The following ABCC1 variants were observed in gnomAD, a reference collection of about 807,000 sequenced individuals.
ABCC1 encodes the protein ATP binding cassette subfamily C member 1 (ABCC1 blood group).
Under a neutral mutation model 172.9 loss-of-function variants are expected in ABCC1, and 83 were observed. That is an observed-to-expected ratio of 0.48 (90% confidence interval 0.40 to 0.58). ABCC1 has a LOEUF of 0.58. ABCC1 is among the 20% of genes least tolerant of loss of function. The pLI is 0.00. For synonymous variants in ABCC1, 937 were observed against 825.2 expected, an observed-to-expected ratio of 1.14 and a Z score of -2.32; for missense variants, 1,817 against 2,002.7, an observed-to-expected ratio of 0.91 and a Z score of 1.77.
intron 23 of ABCC1, among the ~76,000 whole-genome samples, chr16:16,119,253 C>A (rs1405531967): frequency 6.6e-6 from 1 of 152,082 alleles, no homozygotes; most frequent in Non-Finnish European, 1.5e-5. Context: ...CCAGCCTGAG[C>A]AACATGGGAA....
intron 1 of ABCC1, among the ~76,000 whole-genome samples, chr16:15,965,801 T>TACA (rs1317941972): frequency 6.6e-6 from 1 of 151,510 alleles, no homozygotes; most frequent in African/African-American, 2.4e-5. Context: ...TTCACCATGT[T>TACA]GGCCAGGCTG....
chr16:16,113,332 C>T (rs929813491), intron 22 of ABCC1, among the ~76,000 whole-genome samples: 4 of 152,180 alleles, frequency 2.6e-5, no homozygotes, highest in Admixed American at 2.6e-4. Flanking sequence ...AGTCACAAGA[C>T]ACAGGTGGCT....
chr16:16,012,033 C>T (rs144674227), intron 3 of ABCC1, among the ~76,000 whole-genome samples: 1,616 of 152,246 alleles, frequency 0.011, 11 homozygotes, highest in Middle Eastern at 0.02. Flanking sequence ...AACTCCTTGT[C>T]TCAAGTGATC....
intron 14 of ABCC1, among the ~76,000 whole-genome samples, chr16:16,073,403 A>C (rs1190863376): frequency 6.6e-6 from 1 of 152,234 alleles, no homozygotes; most frequent in East Asian, 1.9e-4. Context: ...GCACTGCCTC[A>C]TAGACACCCC....
intron 5 of ABCC1, 71 bp downstream of exon 5, chr16:16,016,692 C>A (rs2048013553): frequency 6.3e-7 from 1 of 1,588,388 alleles, no homozygotes. Flanking sequence ...TACCAGCTAA[C>A]ATTTCTTAGA....
At chr16:15,963,115 C>T (rs1459168422) in intron 1 of ABCC1, among the ~76,000 whole-genome samples, 1 of 152,240 alleles carries the variant, frequency 6.6e-6, no homozygotes, top group East Asian at 1.9e-4. Flanking sequence ...AAAGGGGCTG[C>T]AGGCCCCATG....
At position 16,034,023 on chromosome 16, in the gene ABCC1, C is replaced by CTTTTTTTTTTTT. The variant is rs10580146; in HGVS notation, c.677+864_677+875dup. 1.3e-3 allele frequency among the ~76,000 whole-genome samples: 114 copies of CTTTTTTTTTTTT among 86,836 alleles called. 11 individuals are homozygous for CTTTTTTTTTTTT. Among genetic ancestry groups the CTTTTTTTTTTTT allele is most frequent in the South Asian group, 2.5e-3 (6 of 2,364 alleles). The allele number at this position is 86,836 out of a possible 152,430, so 57.0% of individuals were successfully genotyped here. A position where few individuals can be genotyped will look rare whatever the true frequency, so the allele number is the denominator to read the frequency against. ...TTTTTTTGCCCCTAATAAGCATCAT[C>CTTTTTTTTTTTT]TTTTTTTTTTTTTTTTTTTTTTGAG... On this transcript the variant is annotated intron_variant, in intron 6 of 30. Coordinates refer to ENST00000399410, the MANE Select transcript of ABCC1 (RefSeq NM_004996.4).
intron 18 of ABCC1, among the ~76,000 whole-genome samples, chr16:16,089,553 GAA>G (rs374814319): frequency 7.8e-6 from 1 of 128,482 alleles, no homozygotes; most frequent in Non-Finnish European, 1.7e-5. Flanking sequence ...ATCTCAAAAA[GAA>G]AAAAAAAAAA....
chr16:16,000,652 G>C (rs1376255861), intron 1 of ABCC1, among the ~76,000 whole-genome samples: 2 of 151,982 alleles, frequency 1.3e-5, no homozygotes, highest in Non-Finnish European at 2.9e-5. Flanking sequence ...AAAAAAGAGG[G>C]TATCATTATG....
intron 1 of ABCC1, among the ~76,000 whole-genome samples, chr16:15,981,914 A>G (rs1253167421): frequency 6.6e-6 from 1 of 152,116 alleles, no homozygotes; most frequent in Non-Finnish European, 1.5e-5. Flanking sequence ...CATCTAAATC[A>G]TCTCTCTCAA....
At chr16:16,012,469 TG>T (rs2047822504) in intron 3 of ABCC1, among the ~76,000 whole-genome samples, 3 of 146,650 alleles carry the variant, frequency 2.0e-5, no homozygotes, top group South Asian at 4.3e-4. Flanking sequence ...GTTCTGGCAG[TG>T]GGGTATTAGA....
intron 26 of ABCC1, among the ~76,000 whole-genome samples, chr16:16,128,510 G>T (rs1234359080): frequency 6.6e-6 from 1 of 152,174 alleles, no homozygotes; most frequent in African/African-American, 2.4e-5. Flanking sequence ...GAAGGATCGT[G>T]TTTGACAAAC....
At chr16:16,012,184 C>T (rs1047134276) in intron 3 of ABCC1, among the ~76,000 whole-genome samples, 12 of 152,174 alleles carry the variant, frequency 7.9e-5, no homozygotes, top group Non-Finnish European at 1.3e-4. Flanking sequence ...AACCCTTTTA[C>T]GTTGTAAATA....
intron 23 of ABCC1, 108 bp from the exon 24 acceptor site, chr16:16,121,867 C>A: frequency 1.7e-6 from 2 of 1,204,660 alleles, no homozygotes; most frequent in Non-Finnish European, 2.4e-6. Flanking sequence ...TAACATTTTG[C>A]CTCCTGGAGG....
intron 18 of ABCC1, 138 bp downstream of exon 18, chr16:16,087,129 G>T: frequency 9.4e-7 from 1 of 1,063,308 alleles, no homozygotes; most frequent in South Asian, 1.6e-5. Flanking sequence ...CATTTCTCAT[G>T]CTTGTCTTGG....
Position 16,095,763 on chromosome 16 carries a change from C to T in ABCC1, c.2644+5175C>T, listed in dbSNP as rs143628101. Among the ~76,000 whole-genome samples the T allele has an allele frequency of 9.2e-5, 14 of 152,064 alleles. No individual in the cohort carries two copies. The East Asian group carries it at 2.5e-3, about 28-fold the overall frequency. On this transcript the variant is annotated intron_variant, in intron 19 of 30. Coordinates refer to ENST00000399410, the MANE Select transcript of ABCC1 (RefSeq NM_004996.4). ...CTGGTCTCGAACTCCTGGGCTCAAG[C>T]GATCCTCCCACCTTGACCTCCCAAA...
chr16:16,135,172 T>C (rs906260921), intron 28 of ABCC1, among the ~76,000 whole-genome samples: 4 of 152,212 alleles, frequency 2.6e-5, no homozygotes, highest in Admixed American at 6.5e-5. Flanking sequence ...AATAAGACTT[T>C]TTAATTTTCG....
chr16:16,057,501 A>G (rs1425758508), intron 12 of ABCC1, among the ~76,000 whole-genome samples: 1 of 151,902 alleles, frequency 6.6e-6, no homozygotes, highest in Admixed American at 6.6e-5. Context: ...AAAACAGTGC[A>G]TAGCAGGTGC....
At chr16:16,086,568 C>A (rs1316036729) in intron 17 of ABCC1, among the ~76,000 whole-genome samples, 1 of 152,216 alleles carries the variant, frequency 6.6e-6, no homozygotes, top group Non-Finnish European at 1.5e-5. Context: ...CATCTTCCCA[C>A]TCAGCCTCCT....
Sources: gnomAD v4.1 joint callset for allele counts (sites outside exome capture counted in the v4.1 genomes callset) on GRCh38, gnomAD v4.1.1 for gene constraint, MANE v1.5 for transcripts, NCBI Gene and HGNC (gene_info 2026-07-23, HGNC 2026-07-21) for gene names.